MSI2: variants seen among roughly 807,000 people sequenced by gnomAD.
The protein encoded by MSI2 is RNA-binding protein Musashi homolog 2.
MSI2 carries 17 observed loss-of-function variants against 45.6 expected under a neutral mutation model. That is an observed-to-expected ratio of 0.37 (90% CI 0.26 to 0.56). The LOEUF is 0.56. MSI2 is among the 20% of genes least tolerant of loss of function. MSI2 has a pLI of 0.77. For missense variants in MSI2, 293 were observed against 444.2 expected, an observed-to-expected ratio of 0.66 and a Z score of 3.06; for synonymous variants, 156 against 158.2, an observed-to-expected ratio of 0.99 and a Z score of 0.11.
chr17:57,448,044 C>T (rs1013433866), intron 6 of MSI2, among the ~76,000 whole-genome samples: 2 of 152,192 alleles, frequency 1.3e-5, no homozygotes, highest in Admixed American at 6.5e-5. Context: ...AGTGGAGATA[C>T]ATTTACAAGT....
intron 5 of MSI2, among the ~76,000 whole-genome samples, chr17:57,399,871 G>C (rs2083957439): frequency 6.6e-6 from 1 of 152,194 alleles, no homozygotes; most frequent in Non-Finnish European, 1.5e-5. Context: ...GTGCCCTACA[G>C]CACAGCCTGC....
chr17:57,326,593 A>C (rs1047622657), intron 5 of MSI2, among the ~76,000 whole-genome samples: 3 of 152,234 alleles, frequency 2.0e-5, no homozygotes, highest in Non-Finnish European at 4.4e-5. Context: ...GTAAATACCC[A>C]GTGAGACTGT....
At chr17:57,370,792 T>A (rs530166991) in intron 5 of MSI2, among the ~76,000 whole-genome samples, 3 of 152,306 alleles carry the variant, frequency 2.0e-5, no homozygotes, top group Admixed American at 6.5e-5. Flanking sequence ...CACATACAGC[T>A]TTGCACTGAG....
At chr17:57,354,662 A>G (rs1916289138) in intron 5 of MSI2, among the ~76,000 whole-genome samples, 1 of 152,046 alleles carries the variant, frequency 6.6e-6, no homozygotes, top group Non-Finnish European at 1.5e-5. Context: ...ACCTCCAGGA[A>G]GTGCAGGTGA....
Position 57,468,856 on chromosome 17 carries a change from A to C in MSI2, c.406-60820A>C, listed in dbSNP as rs75855746. On this transcript the variant is annotated intron_variant, in intron 6 of 13. Coordinates refer to ENST00000284073, the MANE Select transcript of MSI2 (RefSeq NM_138962.4). Reference sequence around the variant, plus strand: ...GAGATGCTGTAGGGGGCCCGAGAGGAGTCATTAGCTGACCTCTCTCTCCTT... The same window carrying C: ...GAGATGCTGTAGGGGGCCCGAGAGGCGTCATTAGCTGACCTCTCTCTCCTT... Among the ~76,000 whole-genome samples the C allele has an allele frequency of 3.2e-3, 486 of 152,190 alleles. 2 individuals are homozygous for C. The highest frequency in any genetic ancestry group is 0.011 in the African/African-American group (466 of 41,500).
intron 9 of MSI2, among the ~76,000 whole-genome samples, chr17:57,625,251 T>A (rs1345345953): frequency 1.3e-5 from 2 of 152,226 alleles, no homozygotes; most frequent in Non-Finnish European, 2.9e-5. Context: ...GAGGCAGGAC[T>A]GGAACCCAGG....
At chr17:57,461,599 G>A (rs1380969075) in intron 6 of MSI2, among the ~76,000 whole-genome samples, 2 of 150,484 alleles carry the variant, frequency 1.3e-5, no homozygotes, top group South Asian at 2.1e-4. Context: ...GCAGTGGAGC[G>A]ATCTCAGCTG....
chr17:57,259,246 A>T (rs1229319746), intron 4 of MSI2, among the ~76,000 whole-genome samples: 1 of 152,154 alleles, frequency 6.6e-6, no homozygotes, highest in Non-Finnish European at 1.5e-5. Flanking sequence ...CCTTAAGATG[A>T]CATTGGGCTG....
At chr17:57,260,767 G>C (rs889454598) in intron 4 of MSI2, among the ~76,000 whole-genome samples, 1 of 152,104 alleles carries the variant, frequency 6.6e-6, no homozygotes, top group Non-Finnish European at 1.5e-5. Flanking sequence ...CTTTTATTAG[G>C]TCTTTAAGCC....
At chr17:57,701,114 G>T in the MSI2 span, among the ~76,000 whole-genome samples, 7 of 152,250 alleles carry the variant, frequency 4.6e-5, no homozygotes, top group Middle Eastern at 3.4e-3. Flanking sequence ...GGTGGTCAGG[G>T]GGAGACCAGA....
At chr17:57,693,544 C>G in the MSI2 span, among the ~76,000 whole-genome samples, 7 of 152,328 alleles carry the variant, frequency 4.6e-5, no homozygotes, top group African/African-American at 1.7e-4. Flanking sequence ...TTTCTCCTAG[C>G]ATTTCTGTTT....
At chr17:57,286,097 C>G (rs549078512) in intron 5 of MSI2, 2 of 946,724 alleles carry the variant, frequency 2.1e-6, no homozygotes, top group Non-Finnish European at 2.9e-6. Context: ...TTTATTTTTT[C>G]TTTCTTTCTT....
At chr17:57,410,754 G>C (rs945551862) in intron 6 of MSI2, among the ~76,000 whole-genome samples, 1 of 152,072 alleles carries the variant, frequency 6.6e-6, no homozygotes, top group East Asian at 1.9e-4. Context: ...TGGCGGCAGA[G>C]GTAAATATTT....
At chr17:57,402,569 G>A (rs1443819193) in intron 6 of MSI2, among the ~76,000 whole-genome samples, 1 of 152,246 alleles carries the variant, frequency 6.6e-6, no homozygotes, top group Non-Finnish European at 1.5e-5. Context: ...GTTCTGTGCT[G>A]TTGGTTTGCC....
chr17:57,256,971 C>G, intron 1 of MSI2, 127 bp from the exon 2 acceptor site: 2 of 1,477,898 alleles, frequency 1.4e-6, no homozygotes, highest in South Asian at 1.2e-5. Context: ...GTCACCTTCT[C>G]CCCCACCCCA....
rs373979286 is a variant in MSI2 at position 57,276,991 on chromosome 17, T to C, written c.312+14799T>C. Among the ~76,000 whole-genome samples the C allele has an allele frequency of 1.6e-3, 246 of 151,558 alleles. 6 individuals are homozygous for C. In the South Asian group the frequency reaches 0.049, roughly 30 times the overall value. Reference sequence around the variant, plus strand: ...TGGAGAGGAAGGGACCTGTTCTCCTTGGGTTGTATCATGTTAGGGACCTTT... The same window carrying C: ...TGGAGAGGAAGGGACCTGTTCTCCTCGGGTTGTATCATGTTAGGGACCTTT... On this transcript the variant is annotated intron_variant, in intron 5 of 13. Transcript: ENST00000284073.
intron 6 of MSI2, among the ~76,000 whole-genome samples, chr17:57,527,062 T>A (rs542953614): frequency 4.6e-5 from 7 of 152,146 alleles, no homozygotes; most frequent in East Asian, 3.9e-4. Context: ...AAATACGTTT[T>A]AAAAAAAATC....
At chr17:57,577,049 G>A (rs915479500) in intron 7 of MSI2, among the ~76,000 whole-genome samples, 2 of 152,182 alleles carry the variant, frequency 1.3e-5, no homozygotes, top group South Asian at 4.1e-4. Context: ...GAGGTCGTCT[G>A]ATGGGGACCA....
At chr17:57,648,517 G>A (rs1427125897) in intron 10 of MSI2, among the ~76,000 whole-genome samples, 2 of 152,134 alleles carry the variant, frequency 1.3e-5, no homozygotes, top group Non-Finnish European at 2.9e-5. Context: ...GCTGTTTGCT[G>A]TGCTGCCCTG....
Sources: gnomAD v4.1 joint callset for allele counts (sites outside exome capture counted in the v4.1 genomes callset) on GRCh38, gnomAD v4.1.1 for gene constraint, MANE v1.5 for transcripts, NCBI Gene and HGNC (gene_info 2026-07-23, HGNC 2026-07-21) for gene names.